CACNA2D3: variants seen among roughly 807,000 people sequenced by gnomAD.
CACNA2D3 encodes the protein voltage-dependent calcium channel subunit alpha-2/delta-3.
A neutral mutation model predicts 160.6 loss-of-function variants in CACNA2D3; 60 were observed. That is an observed-to-expected ratio of 0.37 (90% CI 0.30 to 0.46). CACNA2D3 has a LOEUF of 0.46. Ranked by LOEUF, CACNA2D3 falls within the 20% of genes least tolerant of loss-of-function variation. The pLI is 1.00. For synonymous variants in CACNA2D3, 558 were observed against 492.9 expected, an observed-to-expected ratio of 1.13 and a Z score of -1.75; for missense variants, 1,205 against 1,365.0, an observed-to-expected ratio of 0.88 and a Z score of 1.85.
chr3:54,877,283 G>T (rs149918119), intron 18 of CACNA2D3: 2 of 152,332 alleles, frequency 1.3e-5, no homozygotes, highest in East Asian at 3.9e-4. Flanking sequence ...GAATCCTGAT[G>T]CTTTAAGCTA....
chr3:54,889,787 C>A (rs549115261), intron 24 of CACNA2D3, among the ~76,000 whole-genome samples: 1 of 152,294 alleles, frequency 6.6e-6, no homozygotes, highest in South Asian at 2.1e-4. Context: ...AAGCTGGCAA[C>A]GAATTGAGCC....
chr3:54,353,837 G>C (rs1698605585), intron 3 of CACNA2D3, among the ~76,000 whole-genome samples: 1 of 152,204 alleles, frequency 6.6e-6, no homozygotes, highest in Admixed American at 6.5e-5. Flanking sequence ...TGCTCCAGGA[G>C]AGGTGCAGAA....
intron 5 of CACNA2D3, among the ~76,000 whole-genome samples, chr3:54,541,493 T>C (rs1187953688): frequency 6.6e-6 from 1 of 152,100 alleles, no homozygotes; most frequent in African/African-American, 2.4e-5. Context: ...GAACCAGCTC[T>C]GCAAATGACT....
intron 12 of CACNA2D3, among the ~76,000 whole-genome samples, chr3:54,760,280 C>A (rs934667685): frequency 6.6e-6 from 1 of 151,860 alleles, no homozygotes; most frequent in Non-Finnish European, 1.5e-5. Context: ...AGGAACCAAA[C>A]ATGGAAAATG....
intron 31 of CACNA2D3, among the ~76,000 whole-genome samples, chr3:55,001,773 A>C (rs1410195906): frequency 6.6e-6 from 1 of 152,254 alleles, no homozygotes; most frequent in African/African-American, 2.4e-5. Flanking sequence ...GTACTTCTAC[A>C]CAGCTGGTTA....
At chr3:54,642,374 T>C in intron 11 of CACNA2D3, 133 bp downstream of exon 11, 1 of 529,696 alleles carries the variant, frequency 1.9e-6, no homozygotes, top group South Asian at 4.1e-5. Context: ...GCCTTGTGTT[T>C]TTTGGTTGAC....
intron 10 of CACNA2D3, among the ~76,000 whole-genome samples, chr3:54,636,965 G>A (rs982577180): frequency 2.0e-5 from 3 of 151,946 alleles, no homozygotes; most frequent in Non-Finnish European, 2.9e-5. Flanking sequence ...AGTAAAGAAA[G>A]CATGTTTGAG....
At chr3:54,385,470 G>A (rs17053918) in intron 3 of CACNA2D3, among the ~76,000 whole-genome samples, 3,228 of 152,162 alleles carry the variant, frequency 0.021, 108 homozygotes, top group African/African-American at 0.074. Context: ...GACCAGTGAA[G>A]GAAAAAACCC....
In CACNA2D3 at chr3:54,896,838, G is replaced by T; in HGVS notation, c.2336G>T (p.Gly779Val). 1 of 1,613,974 alleles carries T rather than the reference G, an allele frequency of 6.2e-7. No homozygotes were observed. Among genetic ancestry groups the T allele is most frequent in the Non-Finnish European group, 8.5e-7 (1 of 1,179,870 alleles). ...CGAAGAGCCGCTGAGCAGATTCCAGGGAGCTTCGTCTACTCGATCCCATTC... is the reference window on the plus strand; with the variant it reads ...CGAAGAGCCGCTGAGCAGATTCCAGTGAGCTTCGTCTACTCGATCCCATTC... ...WYRRAAEQIP[G>V]SFVYSIPFST... is the part of the protein sequence containing the mutation. The change falls in exon 26 of 38, where the codon GGG becomes GTG. Residue 779 changes from glycine (G) to valine (V), a missense_variant. Around this residue, in one of 3 missense-constraint regions of CACNA2D3, gnomAD observed 911 missense variants for 1,002.2 expected, o/e 0.91. Transcript: ENST00000474759.
At chr3:54,367,002 T>A (rs1374873278) in intron 3 of CACNA2D3, among the ~76,000 whole-genome samples, 2 of 152,186 alleles carry the variant, frequency 1.3e-5, no homozygotes, top group Non-Finnish European at 2.9e-5. Context: ...TGCACATAAA[T>A]GTTGTGGCGG....
chr3:54,504,368 A>G (rs1201466882), intron 5 of CACNA2D3, among the ~76,000 whole-genome samples: 1 of 152,078 alleles, frequency 6.6e-6, no homozygotes, highest in African/African-American at 2.4e-5. Flanking sequence ...ACCGTGTTCT[A>G]CTTCTTTCTG....
At chr3:54,949,443 T>C (rs2107010729) in intron 27 of CACNA2D3, among the ~76,000 whole-genome samples, 1 of 152,344 alleles carries the variant, frequency 6.6e-6, no homozygotes, top group African/African-American at 2.4e-5. Context: ...GAGCCATCTA[T>C]GAATCACATC....
intron 11 of CACNA2D3, among the ~76,000 whole-genome samples, chr3:54,679,937 A>G (rs748156176): frequency 6.6e-6 from 1 of 152,278 alleles, no homozygotes; most frequent in African/African-American, 2.4e-5. Flanking sequence ...TGCTTGAACC[A>G]GTGTGATAGA....
intron 29 of CACNA2D3, among the ~76,000 whole-genome samples, chr3:54,982,561 G>T (rs1368129669): frequency 6.6e-6 from 1 of 152,118 alleles, no homozygotes; most frequent in Non-Finnish European, 1.5e-5. Flanking sequence ...TCCTGATCCA[G>T]ACCCCAGGAG....
chr3:54,872,062 C>A (rs1699547620), intron 18 of CACNA2D3, among the ~76,000 whole-genome samples: 1 of 152,216 alleles, frequency 6.6e-6, no homozygotes, highest in Admixed American at 6.5e-5. Context: ...TTGGCACAGC[C>A]CTTGTTTTCA....
intron 35 of CACNA2D3, among the ~76,000 whole-genome samples, chr3:55,070,790 A>G (rs1704787122): frequency 6.6e-6 from 1 of 152,204 alleles, no homozygotes; most frequent in South Asian, 2.1e-4. Flanking sequence ...GATTGATGAA[A>G]GGTGTTTTTT....
At chr3:55,067,108 G>T (rs180770403) in intron 35 of CACNA2D3, among the ~76,000 whole-genome samples, 78 of 151,512 alleles carry the variant, frequency 5.1e-4, no homozygotes, top group Admixed American at 1.9e-3. Flanking sequence ...TAGCGGGGGG[G>T]GCTTTTCTCC....
chr3:54,935,694 A>G (rs998321150), intron 27 of CACNA2D3, among the ~76,000 whole-genome samples: 10 of 152,210 alleles, frequency 6.6e-5, no homozygotes, highest in South Asian at 2.1e-4. Context: ...TACTTTTACT[A>G]TAACGTGATA....
intron 2 of CACNA2D3, among the ~76,000 whole-genome samples, chr3:54,222,640 C>G (rs1317876283): frequency 6.6e-6 from 1 of 152,168 alleles, no homozygotes; most frequent in Non-Finnish European, 1.5e-5. Context: ...TCTTTATTGA[C>G]CTTAGGGTCA....
Sources: allele counts gnomAD v4.1 joint callset (sites outside exome capture counted in the v4.1 genomes callset), GRCh38; gene constraint gnomAD v4.1.1; regional missense constraint gnomAD v4.1.1; transcripts MANE v1.5; gene names NCBI Gene and HGNC (gene_info 2026-07-23, HGNC 2026-07-21).